The following RIF1 variants were observed in gnomAD, a reference collection of about 807,000 sequenced individuals.
RIF1 encodes replication timing regulatory factor 1.
In RIF1, 45 loss-of-function variants were observed where a neutral mutation model predicts 247.1. That is an observed-to-expected ratio of 0.18 (90% CI 0.14 to 0.23). RIF1 has a LOEUF of 0.23. RIF1 is among the 10% of genes least tolerant of loss of function. The pLI, the probability that RIF1 is intolerant of heterozygous loss-of-function variation, is 1.00. For synonymous variants in RIF1, 1,087 were observed against 978.8 expected (o/e 1.11, Z -2.06); for missense variants, 2,967 against 2,862.5 (o/e 1.04, Z -0.83).
the RIF1 span, among the ~76,000 whole-genome samples, chr2:151,515,990 C>T: frequency 6.6e-6 from 1 of 152,256 alleles, no homozygotes; most frequent in Non-Finnish European, 1.5e-5. Context: ...AAATTTAGTG[C>T]TTCTGCTTAC....
At chr2:151,499,926 A>G (rs1490569679) in intron 11 of RIF1, among the ~76,000 whole-genome samples, 2 of 152,212 alleles carry the variant, frequency 1.3e-5, no homozygotes, top group Admixed American at 6.5e-5. Context: ...AATTTTGCCT[A>G]AATGCAATCT....
chr2:151,494,916 G>A (rs1335536388), intron 9 of RIF1: 1 of 153,376 alleles, frequency 6.5e-6, no homozygotes, highest in Non-Finnish European at 1.4e-5. Context: ...CCAAAGTGCT[G>A]GGATTACAGG....
chr2:151,410,322 C>CGTGCGGGT (rs1685919870), intron 1 of RIF1, 92 bp from the exon 2 acceptor site: 1 of 947,534 alleles, frequency 1.1e-6, no homozygotes, highest in Non-Finnish European at 1.6e-6. Context: ...CCCGGGCGGG[C>CGTGCGGGT]GTGCGGGTGT....
chr2:151,444,940 T>C (rs889759098), intron 18 of RIF1, among the ~76,000 whole-genome samples: 6 of 152,216 alleles, frequency 3.9e-5, no homozygotes, highest in African/African-American at 1.4e-4. Context: ...GATTGGTTTC[T>C]CCTGGAGCTC....
intron 8 of RIF1, among the ~76,000 whole-genome samples, chr2:151,425,579 T>A (rs1482874595): frequency 6.6e-6 from 1 of 151,950 alleles, no homozygotes; most frequent in East Asian, 1.9e-4. Flanking sequence ...AGAGTCCACG[T>A]TCATCCTTTT....
intron 6 of RIF1, among the ~76,000 whole-genome samples, chr2:151,419,480 C>T (rs1227624344): frequency 1.3e-5 from 2 of 151,952 alleles, no homozygotes; most frequent in African/African-American, 4.8e-5. Context: ...CATGTGCCAC[C>T]ACACCCAGCT....
At chr2:151,525,385 G>C in the RIF1 span, 3 of 747,996 alleles carry the variant, frequency 4.0e-6, no homozygotes, top group African/African-American at 5.3e-5. Flanking sequence ...TTTGGCGTCA[G>C]TCTGGGACTT....
chr2:151,458,226 ATTTTT>A (rs71403171), intron 24 of RIF1, among the ~76,000 whole-genome samples: 2 of 99,174 alleles, frequency 2.0e-5, no homozygotes, highest in Admixed American at 1.4e-4. Context: ...GAAATAGATG[ATTTTT>A]TTTTTTTTTT....
chr2:151,411,314 T>A lies in RIF1; in HGVS notation c.159T>A (p.Leu53=). ...TAATTACAGAAATTGAGAAAAAACTTCCTCGGCTGTACAAAGTTTTAAAGG... is the reference window on the plus strand; with the variant it reads ...TAATTACAGAAATTGAGAAAAAACTACCTCGGCTGTACAAAGTTTTAAAGG... ...KEVITEIEKK[L]PRLYKVLKTH... The change falls in exon 3 of 36, where the codon CTT becomes CTA. Residue 53 remains leucine, a synonymous_variant. Transcript: ENST00000444746. 6.2e-7 allele frequency: 1 copy of A among 1,600,078 alleles called. No individual in the cohort carries two copies. Among genetic ancestry groups the A allele is most frequent in the South Asian group, 1.1e-5 (1 of 89,402 alleles).
At chr2:151,519,791 A>T in the RIF1 span, 1 of 1,467,666 alleles carries the variant, frequency 6.8e-7, no homozygotes, top group Admixed American at 1.7e-5. Flanking sequence ...GCAAACATCC[A>T]AATTATTCCT....
rs755153680 is a variant in RIF1, at chr2:151,465,488, A to G, written c.5968A>G (p.Ile1990Val). Residue 1990 changes from isoleucine (I) to valine (V), a missense_variant, in exon 30 of 36, where the codon ATT becomes GTT. By Grantham distance (29) the Ile-to-Val change is conservative (BLOSUM62 3). This residue lies in a region of RIF1 where 2,028 missense variants were observed against 1,825.6 expected (regional missense o/e 1.11). Transcript: ENST00000444746. ...TPVKLNAQTEISEQTAAGELD... is the reference protein window; with the variant it reads ...TPVKLNAQTEVSEQTAAGELD... ...TGTAAAATTGAATGCTCAAACTGAGATTTCTGAACAAACAGCAGCTGGGGA... is the reference window on the plus strand; with the variant it reads ...TGTAAAATTGAATGCTCAAACTGAGGTTTCTGAACAAACAGCAGCTGGGGA... 6 of 1,613,930 alleles carry G rather than the reference A, an allele frequency of 3.7e-6. No homozygotes were observed. The highest frequency in any genetic ancestry group is 1.3e-5 in the African/African-American group (1 of 74,910).
chr2:151,440,215 G>T (rs1202345562), intron 15 of RIF1, 88 bp downstream of exon 15: 1 of 763,382 alleles, frequency 1.3e-6, no homozygotes, highest in Non-Finnish European at 2.2e-6. Context: ...ATCTAGTTTG[G>T]GAAGACTTTT....
chr2:151,496,150 A>AAT, intron 10 of RIF1: 3 of 1,133,238 alleles, frequency 2.6e-6, no homozygotes, highest in Non-Finnish European at 3.8e-6. Context: ...AAAAAGGGTA[A>AAT]ATTTGCTAAA....
At chr2:151,462,172 C>A in intron 27 of RIF1, 70 bp from the exon 28 acceptor site, 4 of 1,123,748 alleles carry the variant, frequency 3.6e-6, no homozygotes, top group Non-Finnish European at 5.1e-6. Context: ...CGTACCTGGC[C>A]ATAAGTTTAA....
chr2:151,531,354 C>T, the RIF1 span, among the ~76,000 whole-genome samples: 1 of 134,120 alleles, frequency 7.5e-6, no homozygotes, highest in African/African-American at 2.8e-5. Context: ...TCTCACTTTG[C>T]CACCCAGGCT....
intron 16 of RIF1, among the ~76,000 whole-genome samples, chr2:151,442,516 T>G (rs1286777246): frequency 6.6e-6 from 1 of 152,000 alleles, no homozygotes; most frequent in Non-Finnish European, 1.5e-5. Context: ...GCTATGTGAA[T>G]GAAAAAACTA....
chr2:151,503,560 A>G (rs997959347), intron 12 of RIF1: 1 of 643,146 alleles, frequency 1.6e-6, no homozygotes. Flanking sequence ...CAAATATAAC[A>G]TTCAAGGAAC....
the RIF1 span, chr2:151,524,575 G>A: frequency 6.2e-7 from 1 of 1,611,448 alleles, no homozygotes; most frequent in South Asian, 1.1e-5. Context: ...CAGCCACTGT[G>A]GTGTAATGCA....
intron 31 of RIF1, 65 bp downstream of exon 31, chr2:151,468,211 G>T: frequency 7.1e-7 from 1 of 1,399,790 alleles, no homozygotes. Context: ...TACATGATGT[G>T]TCATAAAATG....
Sources: gnomAD v4.1 joint callset for allele counts (sites outside exome capture counted in the v4.1 genomes callset) on GRCh38, gnomAD v4.1.1 for gene constraint, gnomAD v4.1.1 regional missense constraint, MANE v1.5 for transcripts, NCBI Gene and HGNC (gene_info 2026-07-23, HGNC 2026-07-21) for gene names.